The following FER variants were observed in gnomAD, a reference collection of about 807,000 sequenced individuals.
FER encodes the protein FER tyrosine kinase, also known as tyrosine-protein kinase Fer.
FER carries 63 observed loss-of-function variants against 111.0 expected under a neutral mutation model. The ratio of observed to expected loss-of-function variants is 0.57; its 90% CI spans 0.46 to 0.70. The LOEUF (loss-of-function observed/expected upper bound fraction) is 0.70, where lower values mean the gene tolerates loss of function less well. Among genes scored for constraint, FER ranks in the 30% least tolerant of loss-of-function variants. The probability of loss-of-function intolerance (pLI) is 0.00; values close to 1 mark genes in which losing one functional copy is unlikely to be tolerated. For synonymous variants in FER, 327 were observed against 313.9 expected (o/e 1.04, Z -0.44); for missense variants, 914 against 954.0 (o/e 0.96, Z 0.55).
At chr5:109,081,417 A>G (rs1776973209) in intron 16 of FER, among the ~76,000 whole-genome samples, 1 of 152,004 alleles carries the variant, frequency 6.6e-6, no homozygotes, top group South Asian at 2.1e-4. Flanking sequence ...AACCTCTTTC[A>G]TTACGATCTG....
intron 10 of FER, among the ~76,000 whole-genome samples, chr5:108,906,104 T>C (rs897147406): frequency 6.6e-6 from 1 of 152,190 alleles, no homozygotes; most frequent in Non-Finnish European, 1.5e-5. Context: ...CATTTCCCAG[T>C]GTGTAAAATG....
At chr5:108,931,830 C>T (rs546938352) in intron 10 of FER, among the ~76,000 whole-genome samples, 42 of 151,520 alleles carry the variant, frequency 2.8e-4, no homozygotes, top group South Asian at 2.1e-4. Context: ...AACTCCATCT[C>T]GGGGAAAAAA....
intron 17 of FER, among the ~76,000 whole-genome samples, chr5:109,147,782 T>C (rs1754384510): frequency 2.2e-5 from 2 of 91,688 alleles, no homozygotes; most frequent in South Asian, 3.1e-4. Flanking sequence ...CACACATACA[T>C]ATATATATAT....
chr5:109,185,488 C>T (rs997897092), intron 18 of FER, among the ~76,000 whole-genome samples: 2 of 152,078 alleles, frequency 1.3e-5, no homozygotes, highest in Non-Finnish European at 2.9e-5. Context: ...ACGAAGTAGG[C>T]GTAAGACAAA....
chr5:108,951,550 G>A (rs1354449407), intron 11 of FER, among the ~76,000 whole-genome samples: 2 of 152,024 alleles, frequency 1.3e-5, no homozygotes, highest in Non-Finnish European at 2.9e-5. Flanking sequence ...TTATTAATTA[G>A]ACTATTAAAT....
In FER at chr5:108,878,544, T is replaced by C. The variant is rs546795972; in HGVS notation, c.924-4852T>C. Among the ~76,000 whole-genome samples the C allele has an allele frequency of 3.3e-5, 5 of 152,326 alleles. No homozygotes were observed. The East Asian group carries it at 9.6e-4, about 29-fold the overall frequency. Reference sequence around the variant, plus strand: ...ACAGTGTTTTACTACTTGTATGTAATGTAATTTCTTTAGTTTTGTTATTTA... The same window carrying C: ...ACAGTGTTTTACTACTTGTATGTAACGTAATTTCTTTAGTTTTGTTATTTA... On this transcript the variant is annotated intron_variant, in intron 8 of 19. Transcript: ENST00000281092.
intron 16 of FER, among the ~76,000 whole-genome samples, chr5:109,078,098 G>A (rs999182816): frequency 6.6e-6 from 1 of 152,126 alleles, no homozygotes; most frequent in Non-Finnish European, 1.5e-5. Context: ...GAAGTATCCA[G>A]GAGTGCTTCA....
At chr5:109,097,990 A>T (rs1330115240) in intron 16 of FER, among the ~76,000 whole-genome samples, 2 of 151,870 alleles carry the variant, frequency 1.3e-5, no homozygotes, top group Non-Finnish European at 2.9e-5. Context: ...TTGGAAATAA[A>T]TTTAAAATTT....
intron 3 of FER, among the ~76,000 whole-genome samples, chr5:108,809,230 A>C (rs139725935): frequency 5.4e-4 from 82 of 152,296 alleles, no homozygotes; most frequent in African/African-American, 1.9e-3. Flanking sequence ...GGAATGACGT[A>C]ACTTGTAGGT....
intron 13 of FER, among the ~76,000 whole-genome samples, chr5:108,976,321 A>C (rs1761331299): frequency 6.6e-6 from 1 of 152,110 alleles, no homozygotes; most frequent in Non-Finnish European, 1.5e-5. Flanking sequence ...TTCTAAAATA[A>C]CATTTTATCC....
intron 16 of FER, among the ~76,000 whole-genome samples, chr5:109,089,664 C>A (rs1336023197): frequency 6.6e-6 from 1 of 152,154 alleles, no homozygotes; most frequent in East Asian, 1.9e-4. Flanking sequence ...CCAAGAATAG[C>A]CATCTTGAAA....
chr5:109,064,642 T>A (rs1381244205), intron 16 of FER, among the ~76,000 whole-genome samples: 1 of 152,168 alleles, frequency 6.6e-6, no homozygotes, highest in Non-Finnish European at 1.5e-5. Context: ...CTTTTTATGT[T>A]CTGAGCTTCG....
At chr5:108,752,193 A>G (rs1750581207) in intron 1 of FER, among the ~76,000 whole-genome samples, 1 of 152,118 alleles carries the variant, frequency 6.6e-6, no homozygotes, top group African/African-American at 2.4e-5. Context: ...TTTAAAATCA[A>G]GGCTCCAATT....
At chr5:108,892,891 G>C (rs1359821746) in intron 9 of FER, among the ~76,000 whole-genome samples, 4 of 152,168 alleles carry the variant, frequency 2.6e-5, no homozygotes, top group African/African-American at 7.2e-5. Flanking sequence ...CATATGGCTA[G>C]CCAGTTTTCC....
chr5:109,109,319 A>G (rs1749317915), intron 17 of FER, among the ~76,000 whole-genome samples: 1 of 152,146 alleles, frequency 6.6e-6, no homozygotes, highest in African/African-American at 2.4e-5. Flanking sequence ...ATTCACATGT[A>G]TATATGCTTA....
In FER at chr5:109,127,924, G is replaced by GT. The variant is rs558459970; in HGVS notation, c.2048+27409dup. 4.7e-3 allele frequency among the ~76,000 whole-genome samples: 718 copies of GT among 152,110 alleles called. 6 individuals are homozygous for GT. The highest frequency in any genetic ancestry group is 0.017 in the African/African-American group (687 of 41,498). On this transcript the variant is annotated intron_variant, in intron 17 of 19. Coordinates refer to ENST00000281092, the MANE Select transcript of FER (RefSeq NM_005246.4). Reference sequence around the variant, plus strand: ...GAAATTCTAATTTATGTTCTTGCTAGTTTTGGTAGTATAAACACTGTTTAT... The same window carrying GT: ...GAAATTCTAATTTATGTTCTTGCTAGTTTTTGGTAGTATAAACACTGTTTAT...
At chr5:108,917,204 T>A (rs2149541908) in intron 10 of FER, among the ~76,000 whole-genome samples, 1 of 152,298 alleles carries the variant, frequency 6.6e-6, no homozygotes, top group South Asian at 2.1e-4. Flanking sequence ...AATTAATACC[T>A]ATGTGCTTTC....
chr5:108,956,203 A>G (rs186882281), intron 12 of FER, among the ~76,000 whole-genome samples: 11 of 151,724 alleles, frequency 7.3e-5, no homozygotes, highest in African/African-American at 2.6e-4. Flanking sequence ...TGTAATTTGT[A>G]TATGCCTTTA....
chr5:108,877,270 T>C (rs1420554606), intron 8 of FER, among the ~76,000 whole-genome samples: 3 of 152,182 alleles, frequency 2.0e-5, no homozygotes, highest in Non-Finnish European at 4.4e-5. Flanking sequence ...GCTCAGGCTG[T>C]GTTAGGGGAA....
Sources: allele counts gnomAD v4.1 joint callset (sites outside exome capture counted in the v4.1 genomes callset), GRCh38; gene constraint gnomAD v4.1.1; transcripts MANE v1.5; gene names NCBI Gene and HGNC (gene_info 2026-07-23, HGNC 2026-07-21).